RBFOX3: variants seen among roughly 807,000 people sequenced by gnomAD.
RBFOX3 encodes the protein RNA binding fox-1 homolog 3, also known as RNA binding protein fox-1 homolog 3.
Under a neutral mutation model 48.7 loss-of-function variants are expected in RBFOX3, and 17 were observed. The ratio of observed to expected loss-of-function variants is 0.35; its 90% confidence interval spans 0.24 to 0.52. The LOEUF is 0.52. Ranked by LOEUF, RBFOX3 falls within the 20% of genes least tolerant of loss-of-function variation. The probability of loss-of-function intolerance (pLI) is 0.94; values close to 1 mark genes in which losing one functional copy is unlikely to be tolerated. For missense variants in RBFOX3, 382 were observed against 497.5 expected (o/e 0.77, Z 2.21); for synonymous variants, 212 against 209.5 (o/e 1.01, Z -0.10).
In RBFOX3 at chr17:79,255,220, TGC is replaced by T. The variant is rs1491083748; in HGVS notation, c.-73-19417_-73-19416del. ...CTGAGTGGCCCTGTGGTCACATGTG[TGC>T]GTGTGTGTGTGTGTGTGTGTGTGTG... On this transcript the variant is annotated intron_variant, in intron 3 of 14. Transcript: ENST00000693108. 4.5e-4 allele frequency among the ~76,000 whole-genome samples: 52 copies of T among 116,730 alleles called. 1 individual carries two copies. Among genetic ancestry groups the T allele is most frequent in the East Asian group, 2.5e-3 (9 of 3,592 alleles). The allele number at this position is 116,730 out of a possible 152,430, so 76.6% of individuals were successfully genotyped here. A position where few individuals can be genotyped will look rare whatever the true frequency, so the allele number is the denominator to read the frequency against.
chr17:79,621,960 C>A, the RBFOX3 span, among the ~76,000 whole-genome samples: 3 of 152,182 alleles, frequency 2.0e-5, no homozygotes, highest in African/African-American at 7.2e-5. Flanking sequence ...CAGAGAAGAC[C>A]GCAAGCTAAT....
At chr17:79,648,351 C>T in the RBFOX3 span, among the ~76,000 whole-genome samples, 1 of 152,164 alleles carries the variant, frequency 6.6e-6, no homozygotes, top group Non-Finnish European at 1.5e-5. Flanking sequence ...CTCACGGGCA[C>T]GTCCTCCCCA....
chr17:79,115,695 G>A lies in RBFOX3; in HGVS notation c.21C>T (p.Pro7=), dbSNP rs751793355. Residue 7 remains proline, a synonymous_variant, in exon 5 of 15, where the codon CCC becomes CCT. Coordinates refer to ENST00000693108, the MANE Select transcript of RBFOX3 (RefSeq NM_001350451.2). MAQPYP[P]AQYPPPPQNG... ...TCTGTGGCGGAGGGGGGTACTGGGC[G>A]GGGGGGTAGGGCTGGGCCATCGCTT... The A allele has an allele frequency of 3.8e-5, 31 of 805,856 alleles. No individual in the cohort carries two copies. The highest frequency in any genetic ancestry group is 1.6e-4 in the African/African-American group (9 of 57,028). 49.9% of individuals were successfully genotyped at this position (805,856 alleles called of 1,614,324 possible).
chr17:79,461,307 C>T (rs1272417680), intron 2 of RBFOX3, among the ~76,000 whole-genome samples: 1 of 152,224 alleles, frequency 6.6e-6, no homozygotes, highest in Non-Finnish European at 1.5e-5. Flanking sequence ...CTCTGGCTGT[C>T]ACAGAGAAAT....
intron 2 of RBFOX3, among the ~76,000 whole-genome samples, chr17:79,457,811 G>A (rs1206442570): frequency 1.3e-5 from 2 of 152,238 alleles, no homozygotes; most frequent in Non-Finnish European, 2.9e-5. Flanking sequence ...CAGTGCATAA[G>A]GAAACGGAAC....
At chr17:79,140,821 CT>C (rs931766617) in intron 4 of RBFOX3, among the ~76,000 whole-genome samples, 1 of 152,078 alleles carries the variant, frequency 6.6e-6, no homozygotes, top group African/African-American at 2.4e-5. Context: ...ACCCGGAATT[CT>C]TTTTTTTGCC....
chr17:79,206,802 G>A (rs2057561480), intron 4 of RBFOX3, among the ~76,000 whole-genome samples: 1 of 152,044 alleles, frequency 6.6e-6, no homozygotes, highest in Admixed American at 6.6e-5. Context: ...TCCCTCAGGT[G>A]GGCAGCTCAG....
rs562978843 is a variant in RBFOX3 at position 79,123,829 on chromosome 17, G to A, written c.-33-8081C>T. On this transcript the variant is annotated intron_variant, in intron 4 of 14. Transcript: ENST00000693108. ...GGGCTATTGATGCAGGTGGGGACGT[G>A]CAGGAAACCCGGCTGTGCTGCAGGC... Among the ~76,000 whole-genome samples the A allele has an allele frequency of 5.9e-5, 9 of 152,350 alleles. No individual in the cohort carries two copies. In the South Asian group the frequency reaches 1.7e-3, roughly 28 times the overall value.
intron 1 of RBFOX3, among the ~76,000 whole-genome samples, chr17:79,529,288 CCCCCACCGCATCACCCATCA>C (rs1161732442): frequency 4.6e-5 from 7 of 152,146 alleles, no homozygotes; most frequent in African/African-American, 7.2e-5. Context: ...TTGACCCATC[CCCCCACCGCATCACCCATCA>C]CCCCACCGCA....
intron 3 of RBFOX3, among the ~76,000 whole-genome samples, chr17:79,298,967 C>T (rs1478734777): frequency 2.0e-5 from 3 of 152,174 alleles, no homozygotes; most frequent in African/African-American, 7.2e-5. Context: ...GGTGGCAGCA[C>T]CGGGCGGCAG....
In RBFOX3 at chr17:79,204,509, G is replaced by A. The variant is rs1286571358; in HGVS notation, c.-34+31257C>T. Among the ~76,000 whole-genome samples, 2 of 152,184 alleles carry A rather than the reference G, an allele frequency of 1.3e-5. No homozygotes were observed. The highest frequency in any genetic ancestry group is 4.8e-5 in the African/African-American group (2 of 41,432). On this transcript the variant is annotated intron_variant, in intron 4 of 14. Transcript: ENST00000693108. The surrounding 1 kb of genome is among the most constrained non-coding windows in gnomAD (Gnocchi z 4.5). ...CACATACCGACAGCATTCAGTCAAC[G>A]AGGTCGACGCGCTGGAACTACTTTG...
chr17:79,133,696 G>A (rs113455436), intron 4 of RBFOX3, among the ~76,000 whole-genome samples: 3,274 of 152,284 alleles, frequency 0.021, 54 homozygotes, highest in Non-Finnish European at 0.037. Context: ...CGCAGCATCC[G>A]TGGTACACAC....
At chr17:79,581,130 C>A (rs1044262619) in intron 1 of RBFOX3, among the ~76,000 whole-genome samples, 35 of 152,324 alleles carry the variant, frequency 2.3e-4, no homozygotes, top group Non-Finnish European at 4.6e-4. Flanking sequence ...CGCCTGTAGT[C>A]CCAGCTACTC....
intron 5 of RBFOX3, among the ~76,000 whole-genome samples, chr17:79,113,372 C>T (rs1395317223): frequency 1.3e-5 from 2 of 152,212 alleles, no homozygotes; most frequent in Admixed American, 6.5e-5. Context: ...GGCACCACGC[C>T]GATGCCGTAA....
At chr17:79,352,299 G>C (rs1378534638) in intron 2 of RBFOX3, among the ~76,000 whole-genome samples, 1 of 152,132 alleles carries the variant, frequency 6.6e-6, no homozygotes, top group Non-Finnish European at 1.5e-5. Context: ...TTGTTTAAAA[G>C]TGTGTAGCAC....
chr17:79,649,787 T>C, the RBFOX3 span, among the ~76,000 whole-genome samples: 1 of 152,188 alleles, frequency 6.6e-6, no homozygotes, highest in African/African-American at 2.4e-5. Flanking sequence ...ACAGGAAGCA[T>C]GATGCTGGCA....
At chr17:79,237,073 C>T (rs1042468501) in intron 3 of RBFOX3, among the ~76,000 whole-genome samples, 1 of 152,186 alleles carries the variant, frequency 6.6e-6, no homozygotes, top group Non-Finnish European at 1.5e-5. Context: ...GATGCCTGAA[C>T]CTTTTCGTTG....
intron 4 of RBFOX3, among the ~76,000 whole-genome samples, chr17:79,123,426 C>T (rs896322069): frequency 4.6e-5 from 7 of 151,958 alleles, no homozygotes; most frequent in African/African-American, 1.7e-4. Flanking sequence ...CAGTTCTGCC[C>T]TTCCCCCTCT....
rs1477130877 is a variant in RBFOX3 at position 79,477,517 on chromosome 17, T to A, written c.-175+4937A>T. 6.7e-6 allele frequency among the ~76,000 whole-genome samples: 1 copy of A among 148,804 alleles called. No homozygotes were observed. The highest frequency in any genetic ancestry group is 6.7e-5 in the Admixed American group (1 of 14,998). ...TTTGCAGTGAGCTGAGATCGCCCCA[T>A]CGCACTCCAGCCTGGGCGACAGAGC... On this transcript the variant is annotated intron_variant, in intron 2 of 14. Coordinates refer to ENST00000693108, the MANE Select transcript of RBFOX3 (RefSeq NM_001350451.2). This position sits in a 1 kb window ranked among gnomAD's most constrained non-coding sequence, Gnocchi z 4.8.
Sources: gnomAD v4.1 joint callset for allele counts (sites outside exome capture counted in the v4.1 genomes callset) on GRCh38, gnomAD v4.1.1 for gene constraint, Gnocchi (gnomAD v3.1) non-coding constraint, MANE v1.5 for transcripts, NCBI Gene and HGNC (gene_info 2026-07-23, HGNC 2026-07-21) for gene names.